ADAM28: variants seen among roughly 807,000 people sequenced by gnomAD.
ADAM28 encodes ADAM metallopeptidase domain 28, also known as disintegrin and metalloproteinase domain-containing protein 28.
ADAM28 carries 105 observed loss-of-function variants against 101.2 expected under a neutral mutation model. The observed-to-expected ratio is 1.04, with a 90% CI of 0.89 to 1.22. ADAM28 has a LOEUF of 1.22. ADAM28 is among the 50% of genes most tolerant of loss of function. ADAM28 has a pLI of 0.00. For missense variants in ADAM28, 1,028 were observed against 945.4 expected, an observed-to-expected ratio of 1.09 and a Z score of -1.15; for synonymous variants, 322 against 310.6, an observed-to-expected ratio of 1.04 and a Z score of -0.39.
intron 18 of ADAM28, chr8:24,346,995 C>T (rs567752981): frequency 1.3e-5 from 2 of 152,054 alleles, no homozygotes; most frequent in South Asian, 2.1e-4. Flanking sequence ...CATGAACATA[C>T]CCGGACACAT....
Position 24,300,055 on chromosome 8 carries a change from A to G in ADAM28, c.128A>G (p.Glu43Gly). 6.2e-7 allele frequency: 1 copy of G among 1,613,724 alleles called. No individual in the cohort carries two copies. The highest frequency in any genetic ancestry group is 8.5e-7 in the Non-Finnish European group (1 of 1,179,968). ...PIRLHPLHKR[E>G]AKEPEQQEQF... ...AGACTTCATCCACTGCATAAAAGAG[A>G]GGCCAAAGAGCCAGAGCAACAGGTA... Residue 43 changes from glutamate to glycine, a missense_variant, in exon 2 of 23, where the codon GAG becomes GGG. By Grantham distance (98) the Glu-to-Gly change is moderately conservative. Coordinates refer to ENST00000265769, the MANE Select transcript of ADAM28 (RefSeq NM_014265.6).
At chr8:24,321,535 C>T in intron 8 of ADAM28, 1 of 462,098 alleles carries the variant, frequency 2.2e-6, no homozygotes, top group Non-Finnish European at 3.9e-6. Context: ...ATAAAAGCTA[C>T]ATGGGTGCAT....
At chr8:24,351,492 C>T (rs187817901) in intron 20 of ADAM28, 182 bp downstream of exon 20, 172 of 684,610 alleles carry the variant, frequency 2.5e-4, no homozygotes, top group Non-Finnish European at 3.9e-4. Flanking sequence ...GCTACTTTGC[C>T]GGGGTTCATG....
At position 24,313,422 on chromosome 8, in the gene ADAM28, A is replaced by G. The variant is rs1205711271; in HGVS notation, c.418A>G (p.Ile140Val). The G allele has an allele frequency of 6.2e-7, 1 of 1,612,984 alleles. No homozygotes were observed. Among genetic ancestry groups the G allele is most frequent in the Admixed American group, 1.7e-5 (1 of 59,824 alleles). ...CAGTCAGGGGGATCAAAGATACTTTATTGAACCTTTAAGCCCCATACATCG... is the reference window on the plus strand; with the variant it reads ...CAGTCAGGGGGATCAAAGATACTTTGTTGAACCTTTAAGCCCCATACATCG... ...YFSQGDQRYFIEPLSPIHRDG... is the reference protein window; with the variant it reads ...YFSQGDQRYFVEPLSPIHRDG... The change falls in exon 6 of 23, where the codon ATT becomes GTT. Residue 140 changes from isoleucine to valine, a missense_variant. By Grantham distance (29) the Ile-to-Val change is conservative. Coordinates refer to ENST00000265769, the MANE Select transcript of ADAM28 (RefSeq NM_014265.6).
chr8:24,329,147 G>C (rs1469111581), intron 10 of ADAM28, among the ~76,000 whole-genome samples: 1 of 152,008 alleles, frequency 6.6e-6, no homozygotes, highest in Non-Finnish European at 1.5e-5. Flanking sequence ...TTTCTATATA[G>C]GAGGTTTTAC....
rs1455781527 is a variant in ADAM28, at chr8:24,324,016, T to C, written c.890+13T>C. 6.2e-7 allele frequency: 1 copy of C among 1,610,118 alleles called. No homozygotes were observed. Among genetic ancestry groups the C allele is most frequent in the South Asian group, 1.1e-5 (1 of 90,774 alleles). On this transcript the variant is annotated intron_variant, in intron 9 of 22. Transcript: ENST00000265769. ...CTCAGTTAATCACGTATGTACAGAT[T>C]TTCTCCCATTGCACACTATGTGGTA...
intron 2 of ADAM28, among the ~76,000 whole-genome samples, chr8:24,304,268 G>A (rs774980226): frequency 1.5e-4 from 22 of 149,950 alleles, no homozygotes; most frequent in Non-Finnish European, 2.1e-4. Context: ...CTAGGTGGAT[G>A]AGGTTGATAT....
intron 6 of ADAM28, among the ~76,000 whole-genome samples, chr8:24,315,134 G>C (rs1810996258): frequency 6.6e-6 from 1 of 151,898 alleles, no homozygotes; most frequent in South Asian, 2.1e-4. Context: ...AAGATAAAGA[G>C]TGGCTGAATG....
chr8:24,331,083 T>C (rs959667560), intron 11 of ADAM28, 67 bp from the exon 12 acceptor site: 17 of 1,449,636 alleles, frequency 1.2e-5, no homozygotes, highest in Non-Finnish European at 1.6e-5. Context: ...TTGTGCCTAA[T>C]GTCAGATACT....
At chr8:24,337,232 G>A (rs1432176393) in intron 14 of ADAM28, among the ~76,000 whole-genome samples, 7 of 152,200 alleles carry the variant, frequency 4.6e-5, no homozygotes, top group African/African-American at 9.7e-5. Context: ...CCTCCACTTC[G>A]TGGATGCGCC....
intron 14 of ADAM28, among the ~76,000 whole-genome samples, chr8:24,336,276 C>G (rs1814037103): frequency 1.3e-5 from 2 of 151,970 alleles, no homozygotes; most frequent in South Asian, 4.2e-4. Context: ...ATTTAAACAG[C>G]AATTTGTATA....
chr8:24,332,746 C>A lies in ADAM28; in HGVS notation c.1368C>A (p.Cys456Ter). Reference sequence around the variant, plus strand: ...CATTAGGAGAATGTTGTGAAAAATGCCAAGTAAGATTATTTTATTCTATTT... The same window carrying A: ...CATTAGGAGAATGTTGTGAAAAATGACAAGTAAGATTATTTTATTCTATTT... Reference protein sequence around the residue: ...QCALGECCEKCQFKKAGMVCR... With the variant: ...QCALGECCEK The change falls in exon 13 of 23, where the codon TGC becomes TGA. Residue 456 changes from cysteine to a stop codon, truncating the protein, a stop_gained. Transcript: ENST00000265769. LOFTEE classifies it high-confidence loss of function. The A allele has an allele frequency of 1.4e-6, 2 of 1,432,668 alleles. No homozygotes were observed. The highest frequency in any genetic ancestry group is 9.3e-7 in the Non-Finnish European group (1 of 1,073,716). 88.7% of individuals were successfully genotyped at this position (1,432,668 alleles called of 1,614,324 possible). A position where few individuals can be genotyped will look rare whatever the true frequency, so the allele number is the denominator to read the frequency against.
intron 10 of ADAM28, among the ~76,000 whole-genome samples, chr8:24,327,431 G>C (rs1028843772): frequency 6.6e-6 from 1 of 152,060 alleles, no homozygotes; most frequent in Non-Finnish European, 1.5e-5. Flanking sequence ...TCATGGATAG[G>C]AAGAATCAAT....
At chr8:24,305,679 C>A (rs1809507613) in intron 2 of ADAM28, among the ~76,000 whole-genome samples, 1 of 151,720 alleles carries the variant, frequency 6.6e-6, no homozygotes. Flanking sequence ...ACAATTAGAA[C>A]CTTTTAATGT....
intron 2 of ADAM28, among the ~76,000 whole-genome samples, chr8:24,306,363 A>AATATATATATATATATATATTTAAAAAT (rs1809648200): frequency 9.2e-6 from 1 of 108,502 alleles, no homozygotes; most frequent in Admixed American, 9.1e-5. Flanking sequence ...TAAATAAATA[A>AATATATATATATATATATATTTAAAAAT]ATATATATAT....
chr8:24,296,750 G>A (rs1433210318), intron 1 of ADAM28, among the ~76,000 whole-genome samples: 1 of 152,152 alleles, frequency 6.6e-6, no homozygotes, highest in Non-Finnish European at 1.5e-5. Context: ...GGAGAGAGAA[G>A]GCAAGTATTA....
At chr8:24,306,139 C>G (rs1040429351) in intron 2 of ADAM28, among the ~76,000 whole-genome samples, 1 of 151,668 alleles carries the variant, frequency 6.6e-6, no homozygotes, top group African/African-American at 2.4e-5. Context: ...AGTTAAGAGA[C>G]TAGTCCGACC....
intron 20 of ADAM28, 101 bp downstream of exon 20, chr8:24,351,411 T>G (rs764160088): frequency 1.7e-5 from 21 of 1,258,492 alleles, no homozygotes; most frequent in Middle Eastern, 1.8e-4. Flanking sequence ...CCAGCAGCGT[T>G]TTGCAGTAAC....
At chr8:24,311,333 T>C in intron 4 of ADAM28, 28 bp from the exon 5 acceptor site, 1 of 1,584,748 alleles carries the variant, frequency 6.3e-7, no homozygotes, top group South Asian at 1.2e-5. Flanking sequence ...CACATGTACT[T>C]CTCTTTACAA....
Sources: allele counts gnomAD v4.1 joint callset (sites outside exome capture counted in the v4.1 genomes callset), GRCh38; gene constraint gnomAD v4.1.1; transcripts MANE v1.5; gene names NCBI Gene and HGNC (gene_info 2026-07-23, HGNC 2026-07-21).